The following NPY1R variants were observed in gnomAD, a reference collection of about 807,000 sequenced individuals.
NPY1R encodes the protein neuropeptide Y receptor Y1.
A neutral mutation model predicts 24.1 loss-of-function variants in NPY1R; 10 were observed. That is an observed-to-expected ratio of 0.42 (90% CI 0.26 to 0.71). The LOEUF (loss-of-function observed/expected upper bound fraction) is 0.71. Among genes scored for constraint, NPY1R ranks in the 30% least tolerant of loss-of-function variants. The pLI is 0.28. For missense variants in NPY1R, 350 were observed against 458.0 expected (o/e 0.76, Z 2.15); for synonymous variants, 168 against 165.9 (o/e 1.01, Z -0.10).
At position 163,325,585 on chromosome 4, in the gene NPY1R, C is replaced by A; in HGVS notation, c.873G>T (p.Gln291His). The A allele has an allele frequency of 5.0e-6, 8 of 1,613,946 alleles. No homozygotes were observed. Among genetic ancestry groups the A allele is most frequent in the Non-Finnish European group, 5.1e-6 (6 of 1,179,988 alleles). The change falls in exon 3 of 3, where the codon CAG (glutamine) becomes CAT (histidine). Residue 291 changes from glutamine (Q) to histidine (H), a missense_variant. Transcript: ENST00000296533. Reference sequence around the variant, plus strand: ...GATTGTGGTTGCAGGTAGCAATGATCTGATGATTCCAATCAAACACAGTGT... The same window carrying A: ...GATTGTGGTTGCAGGTAGCAATGATATGATGATTCCAATCAAACACAGTGT... ...IFNTVFDWNH[Q>H]IIATCNHNLL...
Position 163,325,994 on chromosome 4 carries a change from T to C in NPY1R, c.561A>G (p.Val187=). The stretch of plus-strand genomic sequence containing the variant: ...ATTTGTCTTTGTACGCATCAAGTGT[T>C]ACATTTTGGAACGGCTCATCAGTCA... ...QVMTDEPFQN[V]TLDAYKDKYV... The change falls in exon 2 of 3, where the codon GTA becomes GTG. Residue 187 remains valine (V), a synonymous_variant. Transcript: ENST00000296533. The C allele has an allele frequency of 1.2e-6, 2 of 1,614,108 alleles. No homozygotes were observed. Among genetic ancestry groups the C allele is most frequent in the Non-Finnish European group, 1.7e-6 (2 of 1,179,990 alleles).
intron 1 of NPY1R, 65 bp downstream of exon 1, chr4:163,332,417 A>G (rs1181274371): frequency 1.3e-5 from 2 of 152,106 alleles, no homozygotes; most frequent in East Asian, 1.9e-4. Context: ...TTCCCCTCTC[A>G]TCCTTCACCT....
At position 163,324,523 on chromosome 4, in the gene NPY1R, A is replaced by C. The variant is rs765491268; in HGVS notation, c.*780T>G. 2.0e-5 allele frequency: 3 copies of C among 152,192 alleles called. No individual in the cohort carries two copies. The highest frequency in any genetic ancestry group is 4.4e-5 in the Non-Finnish European group (3 of 68,018). The allele number at this position is 152,192 out of a possible 1,614,324, so 9.4% of individuals were successfully genotyped here. A position where few individuals can be genotyped will look rare whatever the true frequency, so the allele number is the denominator to read the frequency against. ...TAAATATAATTTAACTATTTGCAGC[A>C]ATACTAATTTACTTTATTAAATTAA... On this transcript the variant is annotated 3_prime_UTR_variant, in exon 3 of 3. Transcript: ENST00000296533.
upstream of NPY1R, among the ~76,000 whole-genome samples, chr4:163,337,243 A>G (rs1231122210): frequency 6.6e-6 from 1 of 152,192 alleles, no homozygotes; most frequent in Non-Finnish European, 1.5e-5. Context: ...CTAGCATAGC[A>G]TGTAGGTTAA....
intron 1 of NPY1R, among the ~76,000 whole-genome samples, chr4:163,329,042 TATGCTAATCAC>T (rs1454558457): frequency 2.0e-5 from 3 of 152,202 alleles, no homozygotes; most frequent in African/African-American, 7.2e-5. Flanking sequence ...AGGCAAAATG[TATGCTAATCAC>T]AACAGCCGTA....
intron 1 of NPY1R, 111 bp downstream of exon 1, chr4:163,332,371 C>T (rs1257550312): frequency 6.6e-6 from 1 of 152,290 alleles, no homozygotes; most frequent in Non-Finnish European, 1.5e-5. Context: ...CACCTTGGTC[C>T]CCCAGAGCCA....
At chr4:163,343,029 C>A (rs1735044518) in intron 1 of NPY1R, among the ~76,000 whole-genome samples, 1 of 143,676 alleles carries the variant, frequency 7.0e-6, no homozygotes, top group Non-Finnish European at 1.5e-5. Flanking sequence ...CGCGCGCGCG[C>A]CTAAAGTACC....
At chr4:163,344,607 C>A (rs1346925037) in exon 1 of NPY1R, 5 of 152,224 alleles carry the variant, frequency 3.3e-5, no homozygotes, top group Non-Finnish European at 7.3e-5. Context: ...CTAAGGTTTG[C>A]GCTCCTGTTT....
chr4:163,343,343 A>G lies in NPY1R; in HGVS notation c.-152+962T>C, dbSNP rs377319382. 1.2e-4 allele frequency among the ~76,000 whole-genome samples: 18 copies of G among 152,022 alleles called. 1 individual carries two copies. In the South Asian group the frequency reaches 3.7e-3, roughly 32 times the overall value. The stretch of plus-strand genomic sequence containing the variant: ...CTTGGAGTGGGGAAACTTCCCTTCT[A>G]TTCTGCTGGGCTCATTACCGCAGAC... On this transcript the variant is annotated intron_variant, in intron 1 of 1. Transcript: ENST00000511901.
rs1235665852 is a variant in NPY1R, at chr4:163,326,264, T to C, written c.291A>G (p.Thr97=). 6.2e-7 allele frequency: 1 copy of C among 1,613,990 alleles called. No homozygotes were observed. Among genetic ancestry groups the C allele is most frequent in the Non-Finnish European group, 8.5e-7 (1 of 1,179,952 alleles). ...LLVAIMCLPF[T]FVYTLMDHWV... The stretch of plus-strand genomic sequence containing the variant: ...AGTGGTCCATTAATGTGTAGACAAA[T>C]GTAAAGGGGAGACACATGATGGCAA... Residue 97 remains threonine, a synonymous_variant, in exon 2 of 3, where the codon ACA becomes ACG. Coordinates refer to ENST00000296533, the MANE Select transcript of NPY1R (RefSeq NM_000909.6).
At chr4:163,329,436 A>G (rs897596836) in intron 1 of NPY1R, among the ~76,000 whole-genome samples, 1 of 152,060 alleles carries the variant, frequency 6.6e-6, no homozygotes, top group African/African-American at 2.4e-5. Context: ...CCTTGTCTCT[A>G]CTAAAAATAC....
chr4:163,344,651 A>G (rs1735140897), exon 1 of NPY1R: 1 of 152,252 alleles, frequency 6.6e-6, no homozygotes. Flanking sequence ...TGCGAGCAAT[A>G]ACAAACATCC....
chr4:163,338,863 C>T (rs2110816064), intron 1 of NPY1R, among the ~76,000 whole-genome samples: 1 of 152,242 alleles, frequency 6.6e-6, no homozygotes, highest in African/African-American at 2.4e-5. Context: ...TCATTCTTCT[C>T]CCTCAAGCCA....
chr4:163,331,946 G>T (rs1734739678), intron 1 of NPY1R, among the ~76,000 whole-genome samples: 1 of 152,130 alleles, frequency 6.6e-6, no homozygotes, highest in African/African-American at 2.4e-5. Context: ...CGCGCCGAGG[G>T]CTACTCCCAC....
At chr4:163,341,318 C>T (rs147347349) in intron 1 of NPY1R, among the ~76,000 whole-genome samples, 34 of 152,110 alleles carry the variant, frequency 2.2e-4, no homozygotes, top group Non-Finnish European at 4.0e-4. Context: ...AGGAATACAA[C>T]GAAATTCTCA....
At chr4:163,329,122 A>T (rs1052867136) in intron 1 of NPY1R, among the ~76,000 whole-genome samples, 1 of 152,222 alleles carries the variant, frequency 6.6e-6, no homozygotes, top group South Asian at 2.1e-4. Context: ...ATTATTTCTG[A>T]AAGAAAATTT....
At chr4:163,329,327 G>A (rs1274408707) in intron 1 of NPY1R, among the ~76,000 whole-genome samples, 6 of 152,086 alleles carry the variant, frequency 3.9e-5, no homozygotes, top group South Asian at 2.1e-4. Context: ...GACTGGGGCC[G>A]GGCGAGGTGG....
chr4:163,332,756 A>C (rs562054458), upstream of NPY1R: 10 of 152,580 alleles, frequency 6.6e-5, no homozygotes, highest in African/African-American at 2.2e-4. Context: ...TTTGGAAAGA[A>C]AAGCAATCCA....
chr4:163,343,395 C>T (rs1325422861), intron 1 of NPY1R, among the ~76,000 whole-genome samples: 1 of 152,014 alleles, frequency 6.6e-6, no homozygotes, highest in African/African-American at 2.4e-5. Flanking sequence ...AACATTGGGT[C>T]AGCCTCCCCA....
Sources: allele counts gnomAD v4.1 joint callset (sites outside exome capture counted in the v4.1 genomes callset), GRCh38; gene constraint gnomAD v4.1.1; transcripts MANE v1.5; gene names NCBI Gene and HGNC (gene_info 2026-07-23, HGNC 2026-07-21).